The following DHRSX variants were observed in gnomAD, a reference collection of about 807,000 sequenced individuals.
The protein encoded by DHRSX is dehydrogenase/reductase X-linked.
DHRSX carries 31 observed loss-of-function variants against 34.0 expected under a neutral mutation model. That is an observed-to-expected ratio of 0.91 (90% CI 0.69 to 1.23). DHRSX has a LOEUF of 1.23. Ranked by LOEUF, DHRSX falls within the 50% of genes most tolerant of loss-of-function variation. The pLI, the probability that DHRSX is intolerant of heterozygous loss-of-function variation, is 0.00. For missense variants in DHRSX, 414 were observed against 428.1 expected (o/e 0.97, Z 0.29); for synonymous variants, 201 against 183.8 (o/e 1.09, Z -0.76).
chrX:2,304,176 GATGGATGGATGGATGGATGGATGGATAA>G (rs1386000607), intron 3 of DHRSX, among the ~76,000 whole-genome samples: 14 of 113,808 alleles, frequency 1.2e-4, no homozygotes, highest in African/African-American at 1.8e-4. Flanking sequence ...TGAACTGATG[GATGGATGGATGGATGGATGGATGGATAA>G]ATGGATGGAT....
intron 4 of DHRSX, among the ~76,000 whole-genome samples, chrX:2,288,798 CCAA>C (rs1293690626): frequency 6.6e-6 from 1 of 152,168 alleles, no homozygotes; most frequent in Non-Finnish European, 1.5e-5. Flanking sequence ...CAGAGACAAT[CCAA>C]CAACAAGACC....
intron 5 of DHRSX, among the ~76,000 whole-genome samples, chrX:2,260,321 G>C (rs2041346045): frequency 6.6e-6 from 1 of 151,274 alleles, no homozygotes; most frequent in Admixed American, 6.6e-5. Context: ...GGGTGGAGGG[G>C]AGGGTCCTTC....
chrX:2,266,662 C>T, intron 5 of DHRSX, 78 bp downstream of exon 5: 1 of 1,414,382 alleles, frequency 7.1e-7, no homozygotes, highest in East Asian at 2.3e-5. Flanking sequence ...GGGAGCGCCA[C>T]ACCGCACAGA....
At chrX:2,335,228 C>G (rs1056918942) in intron 3 of DHRSX, among the ~76,000 whole-genome samples, 1 of 151,164 alleles carries the variant, frequency 6.6e-6, no homozygotes, top group African/African-American at 2.4e-5. Context: ...CAGTTGAGGA[C>G]GCACCCATGA....
chrX:2,297,269 C>T (rs1434261017), intron 3 of DHRSX, among the ~76,000 whole-genome samples: 4 of 152,170 alleles, frequency 2.6e-5, no homozygotes, highest in Admixed American at 6.5e-5. Flanking sequence ...ACCACAGGTG[C>T]GCAGCACCAC....
intron 4 of DHRSX, among the ~76,000 whole-genome samples, chrX:2,285,717 A>AG (rs1202433723): frequency 6.6e-6 from 1 of 152,178 alleles, no homozygotes; most frequent in Non-Finnish European, 1.5e-5. Context: ...TCCTTCCCTG[A>AG]GGCTGCCTAT....
intron 1 of DHRSX, among the ~76,000 whole-genome samples, chrX:2,475,115 A>G (rs191774917): frequency 0.18 from 24,085 of 136,892 alleles, 3,252 homozygotes; most frequent in African/African-American, 0.36. Flanking sequence ...CTAAGAATGC[A>G]ACCAAGGGAC....
At chrX:2,324,057 GAAA>G (rs755736026) in intron 3 of DHRSX, among the ~76,000 whole-genome samples, 30,407 of 142,940 alleles carry the variant, frequency 0.21, 3,289 homozygotes, top group Middle Eastern at 0.28. Flanking sequence ...ACCCTGTCTG[GAAA>G]AAAAAAAAAA....
intron 3 of DHRSX, among the ~76,000 whole-genome samples, chrX:2,375,572 G>A (rs767667380): frequency 7.3e-6 from 1 of 136,716 alleles, no homozygotes; most frequent in East Asian, 2.0e-4. Flanking sequence ...ATTCTCTCTT[G>A]AGTCAGCAAG....
At chrX:2,293,400 G>A (rs2041891199) in intron 3 of DHRSX, among the ~76,000 whole-genome samples, 1 of 152,060 alleles carries the variant, frequency 6.6e-6, no homozygotes, top group Admixed American at 6.6e-5. Flanking sequence ...AAGTCAGACA[G>A]AACAAAATGC....
At chrX:2,314,449 A>G (rs1265001068) in intron 3 of DHRSX, among the ~76,000 whole-genome samples, 1 of 65,724 alleles carries the variant, frequency 1.5e-5, no homozygotes, top group African/African-American at 9.6e-5. Flanking sequence ...AAGGAAGGGG[A>G]GAAGGGAGGA....
chrX:2,366,832 CA>C (rs1354617978), intron 3 of DHRSX, among the ~76,000 whole-genome samples: 9 of 151,740 alleles, frequency 5.9e-5, no homozygotes, highest in African/African-American at 2.2e-4. Flanking sequence ...TTCCTGGGCT[CA>C]AGTGATGCTC....
chrX:2,373,056 T>TG lies in DHRSX; in HGVS notation c.286+35688dup, dbSNP rs1356046995. Among the ~76,000 whole-genome samples, 12 of 152,294 alleles carry TG rather than the reference T, an allele frequency of 7.9e-5. No individual in the cohort carries two copies. In the East Asian group the frequency reaches 2.3e-3, roughly 29 times the overall value. On this transcript the variant is annotated intron_variant, in intron 3 of 6. Coordinates refer to ENST00000334651, the MANE Select transcript of DHRSX (RefSeq NM_145177.3). ...TAATGGACTCACAGTTCCACGGGGT[T>TG]GGGGAGGCCTCACAATCACGACGGA...
chrX:2,499,711 A>T (rs756815408), intron 1 of DHRSX, among the ~76,000 whole-genome samples: 121 of 152,318 alleles, frequency 7.9e-4, no homozygotes, highest in South Asian at 1.5e-3. Flanking sequence ...GTTTCAGACC[A>T]GCCTGGGCAA....
At chrX:2,425,681 G>A (rs1002298407) in intron 1 of DHRSX, among the ~76,000 whole-genome samples, 7 of 152,156 alleles carry the variant, frequency 4.6e-5, no homozygotes, top group African/African-American at 1.4e-4. Flanking sequence ...ATTTTTGTTC[G>A]TTTGCGTTGT....
chrX:2,425,628 A>G (rs945358909), intron 1 of DHRSX, among the ~76,000 whole-genome samples: 1 of 152,162 alleles, frequency 6.6e-6, no homozygotes, highest in African/African-American at 2.4e-5. Context: ...GCGAGCAAGA[A>G]TCCTGGAATA....
Position 2,245,557 on chromosome X carries a change from G to T in DHRSX, c.597-2327C>A, listed in dbSNP as rs758147574. Among the ~76,000 whole-genome samples the T allele has an allele frequency of 2.7e-5, 4 of 150,414 alleles. No individual in the cohort carries two copies. In the East Asian group the frequency reaches 8.1e-4, roughly 30 times the overall value. On this transcript the variant is annotated intron_variant, in intron 5 of 6. Coordinates refer to ENST00000334651, the MANE Select transcript of DHRSX (RefSeq NM_145177.3). ...ACTCCTGACCTCAGGTGATCCGCCT[G>T]CCTCGGCCTCCCAAAGTGCTGGGAT...
intron 3 of DHRSX, among the ~76,000 whole-genome samples, chrX:2,359,474 G>A (rs1448825935): frequency 6.6e-6 from 1 of 152,030 alleles, no homozygotes; most frequent in African/African-American, 2.4e-5. Flanking sequence ...TCAGGAGTTC[G>A]AGACCAGTCT....
At chrX:2,232,862 G>A (rs1208190911) in intron 6 of DHRSX, among the ~76,000 whole-genome samples, 2 of 151,968 alleles carry the variant, frequency 1.3e-5, no homozygotes, top group African/African-American at 4.8e-5. Flanking sequence ...ATGAGCCATC[G>A]TGCCCGACCC....
Sources: allele counts gnomAD v4.1 joint callset (sites outside exome capture counted in the v4.1 genomes callset), GRCh38; gene constraint gnomAD v4.1.1; transcripts MANE v1.5; gene names NCBI Gene and HGNC (gene_info 2026-07-23, HGNC 2026-07-21).